VKORC1L1: variants seen among roughly 807,000 people sequenced by gnomAD.
The protein encoded by VKORC1L1 is vitamin K epoxide reductase complex subunit 1-like protein 1.
Under a neutral mutation model 18.9 loss-of-function variants are expected in VKORC1L1, and 2 were observed. That is an observed-to-expected ratio of 0.11 (90% CI 0.04 to 0.33). The LOEUF (loss-of-function observed/expected upper bound fraction) is 0.33. VKORC1L1 is among the 10% of genes least tolerant of loss of function. The pLI is 1.00. For missense variants in VKORC1L1, 123 were observed against 224.1 expected, an observed-to-expected ratio of 0.55 and a Z score of 2.88; for synonymous variants, 96 against 100.0, an observed-to-expected ratio of 0.96 and a Z score of 0.24.
chr7:65,948,764 A>C lies in VKORC1L1; in HGVS notation c.288A>C (p.Ile96=), dbSNP rs757246320. 26 of 981,606 alleles carry C rather than the reference A, an allele frequency of 2.6e-5. No homozygotes were observed. In the East Asian group the frequency reaches 6.9e-4, roughly 26 times the overall value. 60.8% of individuals were successfully genotyped at this position (981,606 alleles called of 1,614,324 possible). A position where few individuals can be genotyped will look rare whatever the true frequency, so the allele number is the denominator to read the frequency against. The part of the protein sequence containing the change: ...PNSVFGLIFY[I]LQLLLGMTAS... Reference sequence around the variant, plus strand: ...GTGTCTTTGGACTTATATTTTATATACTACAGTTATTACTTGGTAAGTATT... The same window carrying C: ...GTGTCTTTGGACTTATATTTTATATCCTACAGTTATTACTTGGTAAGTATT... Residue 96 remains isoleucine, a synonymous_variant, in exon 2 of 3, where the codon ATA becomes ATC. Transcript: ENST00000360768.
chr7:65,953,959 G>A lies in VKORC1L1; in HGVS notation c.305-115G>A, dbSNP rs1290627521. 4.6e-6 allele frequency: 4 copies of A among 863,046 alleles called. No individual in the cohort carries two copies. The African/African-American group carries it at 5.0e-5, about 11-fold the overall frequency. The allele number at this position is 863,046 out of a possible 1,614,324, so 53.5% of individuals were successfully genotyped here. A position where few individuals can be genotyped will look rare whatever the true frequency, so the allele number is the denominator to read the frequency against. On this transcript the variant is annotated intron_variant, in intron 2 of 2. Coordinates refer to ENST00000360768, the MANE Select transcript of VKORC1L1 (RefSeq NM_173517.6). ...TTTCTGTTCTCAATTTTCAGAGTTG[G>A]CAGGAAGATCAGTATTCAAACACTG...
chr7:65,894,363 A>G (rs568516809), intron 1 of VKORC1L1, among the ~76,000 whole-genome samples: 5 of 151,890 alleles, frequency 3.3e-5, no homozygotes, highest in Admixed American at 1.3e-4. Flanking sequence ...TTGAACTTTA[A>G]TTTTTTTCTC....
intron 1 of VKORC1L1, among the ~76,000 whole-genome samples, chr7:65,937,958 A>G (rs1403514796): frequency 6.6e-6 from 1 of 152,184 alleles, no homozygotes; most frequent in African/African-American, 2.4e-5. Context: ...CTGTAATCCC[A>G]GCACATTGGG....
At chr7:65,943,929 G>A (rs1790076953) in intron 1 of VKORC1L1, among the ~76,000 whole-genome samples, 1 of 152,134 alleles carries the variant, frequency 6.6e-6, no homozygotes, top group South Asian at 2.1e-4. Flanking sequence ...CAAAGAAAAA[G>A]CAAATGATTT....
intron 1 of VKORC1L1, among the ~76,000 whole-genome samples, chr7:65,924,817 T>A (rs1789733925): frequency 6.6e-6 from 1 of 152,210 alleles, no homozygotes; most frequent in South Asian, 2.1e-4. Context: ...TATAAATATT[T>A]GTTACTCTGT....
At chr7:65,929,667 T>C (rs1280895784) in intron 1 of VKORC1L1, among the ~76,000 whole-genome samples, 2 of 87,898 alleles carry the variant, frequency 2.3e-5, no homozygotes, top group Non-Finnish European at 4.5e-5. Flanking sequence ...TGTGTGTGTG[T>C]GTATGTGTGT....
chr7:65,909,234 T>C (rs1023696948), intron 1 of VKORC1L1, among the ~76,000 whole-genome samples: 2 of 148,218 alleles, frequency 1.3e-5, no homozygotes, highest in African/African-American at 2.5e-5. Flanking sequence ...TCCACCCACC[T>C]CGGCCTCCCA....
At chr7:65,951,583 A>T (rs113783800) in intron 2 of VKORC1L1, among the ~76,000 whole-genome samples, 6,262 of 150,462 alleles carry the variant, frequency 0.042, 148 homozygotes, top group Non-Finnish European at 0.047. Flanking sequence ...GGAAAAAAAA[A>T]ATATATATAT....
At chr7:65,879,185 A>G (rs1220251246) in intron 1 of VKORC1L1, among the ~76,000 whole-genome samples, 1 of 152,122 alleles carries the variant, frequency 6.6e-6, no homozygotes. Context: ...CATTGCTCCC[A>G]TACTTTAAAT....
At position 65,888,394 on chromosome 7, in the gene VKORC1L1, G is replaced by T. The variant is rs576462633; in HGVS notation, c.194+14829G>T. 3.3e-5 allele frequency among the ~76,000 whole-genome samples: 5 copies of T among 152,254 alleles called. No homozygotes were observed. The East Asian group carries it at 9.6e-4, about 29-fold the overall frequency. ...GGAAATGTTGTTTTTTTGGAATCTA[G>T]TTAAGCTTAAATTGTTTCAAACTAA... On this transcript the variant is annotated intron_variant, in intron 1 of 2. Transcript: ENST00000360768.
At position 65,954,162 on chromosome 7, in the gene VKORC1L1, G is replaced by C; in HGVS notation, c.393G>C (p.Leu131=). Residue 131 remains leucine (L), a synonymous_variant, in exon 3 of 3, where the codon CTG becomes CTC. Coordinates refer to ENST00000360768, the MANE Select transcript of VKORC1L1 (RefSeq NM_173517.6). ...GGTCCCTGTACCTGGCCTACATTCT[G>C]TACTTTGTGCTGAAGGAGTTCTGCA... ...VVGSLYLAYI[L]YFVLKEFCII... The C allele has an allele frequency of 3.7e-6, 6 of 1,614,012 alleles. No homozygotes were observed. The highest frequency in any genetic ancestry group is 5.1e-6 in the Non-Finnish European group (6 of 1,179,946).
At chr7:65,896,310 T>G (rs546465412) in intron 1 of VKORC1L1, among the ~76,000 whole-genome samples, 82 of 152,184 alleles carry the variant, frequency 5.4e-4, no homozygotes, top group Middle Eastern at 6.8e-3. Flanking sequence ...TTGATGAAAA[T>G]TTTGGTTGTT....
At chr7:65,893,649 AT>A (rs1282323261) in intron 1 of VKORC1L1, among the ~76,000 whole-genome samples, 1 of 152,234 alleles carries the variant, frequency 6.6e-6, no homozygotes, top group East Asian at 1.9e-4. Flanking sequence ...GGGAGATTCC[AT>A]CTCAAAAAAA....
intron 1 of VKORC1L1, among the ~76,000 whole-genome samples, chr7:65,921,355 A>G (rs975194163): frequency 2.0e-5 from 3 of 151,696 alleles, no homozygotes; most frequent in Non-Finnish European, 4.4e-5. Flanking sequence ...ATCTTATTCC[A>G]TTTCCCCCCA....
At chr7:65,883,000 T>G (rs2116337056) in intron 1 of VKORC1L1, among the ~76,000 whole-genome samples, 1 of 152,332 alleles carries the variant, frequency 6.6e-6, no homozygotes, top group African/African-American at 2.4e-5. Flanking sequence ...TTCATCTTTG[T>G]GAATCCGGTT....
chr7:65,879,240 A>G (rs1327931896), intron 1 of VKORC1L1, among the ~76,000 whole-genome samples: 3 of 152,198 alleles, frequency 2.0e-5, no homozygotes, highest in African/African-American at 7.2e-5. Flanking sequence ...GCTAGTACGT[A>G]AAAGAGAATT....
intron 1 of VKORC1L1, among the ~76,000 whole-genome samples, chr7:65,908,904 T>C (rs1335401449): frequency 6.7e-6 from 1 of 149,440 alleles, no homozygotes; most frequent in Non-Finnish European, 1.5e-5. Flanking sequence ...TATTAAAAAA[T>C]AAATAAAAAC....
chr7:65,899,463 A>T (rs1295705264), intron 1 of VKORC1L1, among the ~76,000 whole-genome samples: 1 of 152,196 alleles, frequency 6.6e-6, no homozygotes, highest in Non-Finnish European at 1.5e-5. Flanking sequence ...AGCCCTCTGC[A>T]GTAATGTTTT....
intron 1 of VKORC1L1, among the ~76,000 whole-genome samples, chr7:65,905,301 T>G (rs1789388184): frequency 6.6e-6 from 1 of 152,020 alleles, no homozygotes; most frequent in Admixed American, 6.6e-5. Context: ...ATTGGCGTGG[T>G]TATTTTTTTT....
Sources: gnomAD v4.1 joint callset for allele counts (sites outside exome capture counted in the v4.1 genomes callset) on GRCh38, gnomAD v4.1.1 for gene constraint, MANE v1.5 for transcripts, NCBI Gene and HGNC (gene_info 2026-07-23, HGNC 2026-07-21) for gene names.